The following CADPS2 variants were observed in gnomAD, a reference collection of about 807,000 sequenced individuals.
CADPS2 encodes calcium dependent secretion activator 2, also known as calcium-dependent secretion activator 2.
A neutral mutation model predicts 172.5 loss-of-function variants in CADPS2; 93 were observed. The ratio of observed to expected loss-of-function variants is 0.54; its 90% CI spans 0.46 to 0.64. The LOEUF (loss-of-function observed/expected upper bound fraction) is 0.64, where lower values mean the gene tolerates loss of function less well. Ranked by LOEUF, CADPS2 falls within the 30% of genes least tolerant of loss-of-function variation. The pLI is 0.00. For synonymous variants in CADPS2, 546 were observed against 555.2 expected, an observed-to-expected ratio of 0.98 and a Z score of 0.23; for missense variants, 1,420 against 1,565.9, an observed-to-expected ratio of 0.91 and a Z score of 1.57.
chr7:122,675,207 CTG>C (rs2082265551), intron 2 of CADPS2, among the ~76,000 whole-genome samples: 1 of 152,200 alleles, frequency 6.6e-6, no homozygotes. Flanking sequence ...TGGGACCTGT[CTG>C]TGACTCACAC....
At chr7:122,691,111 T>C (rs1259722231) in intron 2 of CADPS2, among the ~76,000 whole-genome samples, 2 of 152,218 alleles carry the variant, frequency 1.3e-5, no homozygotes, top group Non-Finnish European at 2.9e-5. Flanking sequence ...TTCACTAAAG[T>C]GGATGTCTGC....
chr7:122,477,048 AGAGAAGAGAGAGAGAGAG>A (rs2056750840), intron 12 of CADPS2, among the ~76,000 whole-genome samples: 3 of 50,424 alleles, frequency 5.9e-5, no homozygotes, highest in Non-Finnish European at 1.0e-4. Context: ...GAGAGGAGAG[AGAGAAGAGAGAGAGAGAG>A]AGAGAGAGAG....
At chr7:122,790,683 A>C (rs963743223) in intron 1 of CADPS2, among the ~76,000 whole-genome samples, 1 of 152,192 alleles carries the variant, frequency 6.6e-6, no homozygotes, top group Non-Finnish European at 1.5e-5. Flanking sequence ...TCTAGTACTC[A>C]TAGCCTCAGT....
intron 1 of CADPS2, among the ~76,000 whole-genome samples, chr7:122,745,882 AT>A (rs968162279): frequency 1.3e-5 from 2 of 152,068 alleles, no homozygotes; most frequent in African/African-American, 2.4e-5. Context: ...AACTTAACCT[AT>A]TTTATTAATT....
intron 3 of CADPS2, among the ~76,000 whole-genome samples, chr7:122,662,664 T>G (rs966976238): frequency 6.6e-6 from 1 of 152,156 alleles, no homozygotes; most frequent in African/African-American, 2.4e-5. Context: ...TGAGCCACCA[T>G]GCCTGGCCTT....
chr7:122,586,074 T>A (rs1014462294), intron 6 of CADPS2, among the ~76,000 whole-genome samples: 1 of 151,990 alleles, frequency 6.6e-6, no homozygotes, highest in South Asian at 2.1e-4. Context: ...GGGCATGTGA[T>A]GAACTATTTT....
chr7:122,501,009 C>G (rs138510257), intron 9 of CADPS2, among the ~76,000 whole-genome samples: 2 of 152,096 alleles, frequency 1.3e-5, no homozygotes, highest in Non-Finnish European at 2.9e-5. Flanking sequence ...AATCCCAGCA[C>G]TTTGGGAGGC....
At chr7:122,451,574 T>G (rs1341212664) in intron 14 of CADPS2, 99 bp from the exon 15 acceptor site, 11 of 612,296 alleles carry the variant, frequency 1.8e-5, no homozygotes, top group Admixed American at 3.7e-5. Flanking sequence ...AAAAGTTCAC[T>G]GTATACATAT....
chr7:122,629,347 G>A lies in CADPS2; in HGVS notation c.787-19C>T, dbSNP rs1212989018. On this transcript the variant is annotated intron_variant, in intron 3 of 29. Transcript: ENST00000449022. ...TATCCAGCTTAAAAATAAAACAGAA[G>A]TTACACATATGTAATTACTTAATCT... 4 of 1,586,712 alleles carry A rather than the reference G, an allele frequency of 2.5e-6. No homozygotes were observed. The highest frequency in any genetic ancestry group is 8.6e-7 in the Non-Finnish European group (1 of 1,163,500).
At chr7:122,691,416 A>C (rs1454578956) in intron 2 of CADPS2, among the ~76,000 whole-genome samples, 2 of 152,184 alleles carry the variant, frequency 1.3e-5, no homozygotes, top group East Asian at 3.9e-4. Flanking sequence ...GCCCTAGCCA[A>C]CACTATTTGT....
chr7:122,827,526 G>C (rs1004577442), intron 1 of CADPS2, among the ~76,000 whole-genome samples: 6 of 151,664 alleles, frequency 4.0e-5, no homozygotes, highest in African/African-American at 1.5e-4. Context: ...CAGCTACTTG[G>C]GAGGCTGAGG....
At chr7:122,484,666 CTT>C (rs34182273) in intron 11 of CADPS2, among the ~76,000 whole-genome samples, 4,575 of 145,900 alleles carry the variant, frequency 0.031, 199 homozygotes, top group African/African-American at 0.11. Flanking sequence ...TTAAGAATTT[CTT>C]TTTTTTTTTT....
At chr7:122,885,905 C>T (rs1824232168) in intron 1 of CADPS2, 94 bp downstream of exon 1, 4 of 1,398,976 alleles carry the variant, frequency 2.9e-6, no homozygotes, top group Non-Finnish European at 4.0e-6. Flanking sequence ...CGGTGTCCTG[C>T]GTTTCGCAGA....
intron 3 of CADPS2, among the ~76,000 whole-genome samples, chr7:122,659,200 T>A (rs2080205066): frequency 6.6e-6 from 1 of 151,592 alleles, no homozygotes; most frequent in Non-Finnish European, 1.5e-5. Context: ...TAGATTACTA[T>A]TATTAATAGG....
At chr7:122,831,686 C>A (rs562518511) in intron 1 of CADPS2, among the ~76,000 whole-genome samples, 1 of 152,274 alleles carries the variant, frequency 6.6e-6, no homozygotes, top group African/African-American at 2.4e-5. Context: ...TCATCACTCT[C>A]CCAATAAAGC....
chr7:122,329,805 A>G (rs527535275), intron 28 of CADPS2, among the ~76,000 whole-genome samples: 4 of 152,322 alleles, frequency 2.6e-5, no homozygotes, highest in African/African-American at 9.6e-5. Context: ...TAGACCCTCC[A>G]AGGCTGATAT....
At chr7:122,539,791 ATC>A (rs754852481) in intron 8 of CADPS2, among the ~76,000 whole-genome samples, 5 of 134,684 alleles carry the variant, frequency 3.7e-5, no homozygotes, top group Non-Finnish European at 6.4e-5. Context: ...GTTTCTCTCC[ATC>A]TCTCTTTGTC....
intron 7 of CADPS2, among the ~76,000 whole-genome samples, chr7:122,562,661 A>T (rs1419407825): frequency 2.0e-5 from 3 of 152,160 alleles, no homozygotes; most frequent in African/African-American, 4.8e-5. Flanking sequence ...TTCATCATAA[A>T]GGAAAATTAA....
intron 1 of CADPS2, among the ~76,000 whole-genome samples, chr7:122,767,557 G>A (rs376025552): frequency 5.9e-5 from 9 of 152,090 alleles, no homozygotes; most frequent in East Asian, 1.9e-4. Context: ...TAGTTGAGAG[G>A]CATTCAAACG....
Sources: gnomAD v4.1 joint callset for allele counts (sites outside exome capture counted in the v4.1 genomes callset) on GRCh38, gnomAD v4.1.1 for gene constraint, MANE v1.5 for transcripts, NCBI Gene and HGNC (gene_info 2026-07-23, HGNC 2026-07-21) for gene names.